Variants in ANKRD45 observed in about 807,000 individuals in gnomAD.
ANKRD45 encodes the protein ankyrin repeat domain-containing protein 45.
Under a neutral mutation model 28.1 loss-of-function variants are expected in ANKRD45, and 21 were observed. The observed-to-expected ratio is 0.75, with a 90% CI of 0.53 to 1.08. ANKRD45 has a LOEUF of 1.08. Among genes scored for constraint, ANKRD45 ranks in the 50% least tolerant of loss-of-function variants. ANKRD45 has a pLI of 0.00. For missense variants in ANKRD45, 261 were observed against 308.7 expected, an observed-to-expected ratio of 0.85 and a Z score of 1.16; for synonymous variants, 86 against 103.9, an observed-to-expected ratio of 0.83 and a Z score of 1.05.
At chr1:173,662,071 T>C (rs1292547635) in intron 1 of ANKRD45, among the ~76,000 whole-genome samples, 2 of 152,176 alleles carry the variant, frequency 1.3e-5, no homozygotes, top group African/African-American at 4.8e-5. Flanking sequence ...GTGGACCCTC[T>C]GTCTCTATTC....
In ANKRD45 at chr1:173,646,894, C is replaced by G. The variant is rs767252753; in HGVS notation, c.448G>C (p.Ala150Pro). ...CACTCAGTCTGAGAATATCTAGCAG[C>G]AACATCTCGAGCCCTTTCTTCCCGG... The part of the protein sequence containing the change: ...NFREERARDV[A>P]ARYSQTECVE... Residue 150 changes from alanine to proline, a missense_variant, in exon 3 of 6, where the codon GCT becomes CCT. Ala to Pro is a conservative substitution (Grantham distance 27). Coordinates refer to ENST00000333279, the MANE Select transcript of ANKRD45 (RefSeq NM_198493.3). 3 of 1,614,146 alleles carry G rather than the reference C, an allele frequency of 1.9e-6. No individual in the cohort carries two copies. In the South Asian group the frequency reaches 3.3e-5, roughly 18 times the overall value.
intron 3 of ANKRD45, among the ~76,000 whole-genome samples, chr1:173,637,995 C>T (rs1179357447): frequency 6.6e-6 from 1 of 152,110 alleles, no homozygotes; most frequent in African/African-American, 2.4e-5. Flanking sequence ...GAGAGGCTTG[C>T]AGGACCACAG....
chr1:173,650,616 C>T (rs1454197440), intron 2 of ANKRD45, among the ~76,000 whole-genome samples: 3 of 152,182 alleles, frequency 2.0e-5, no homozygotes, highest in African/African-American at 7.2e-5. Context: ...GGTATATACC[C>T]AGTAATGGGA....
Position 173,627,066 on chromosome 1 carries a change from T to G in ANKRD45, c.590A>C (p.Lys197Thr). 6.3e-7 allele frequency: 1 copy of G among 1,596,408 alleles called. No individual in the cohort carries two copies. Among genetic ancestry groups the G allele is most frequent in the South Asian group, 1.1e-5 (1 of 90,534 alleles). Residue 197 changes from lysine to threonine, a missense_variant and splice_region_variant, in exon 4 of 6, where the codon AAG becomes ACG. Physicochemically the swap from Lys to Thr is moderately conservative, Grantham distance 78. Transcript: ENST00000333279. ...CAAGCAATAATCACAATACAGTACC[T>G]TGTCTTCCTTAAGGAGTTTCCCTGA... Reference protein sequence around the residue: ...KGSGKLLKEDKNTILSACRAK... With the variant: ...KGSGKLLKEDTNTILSACRAK...
At chr1:173,635,855 T>A (rs1668412957) in intron 3 of ANKRD45, 2 of 1,508,114 alleles carry the variant, frequency 1.3e-6, no homozygotes, top group Non-Finnish European at 1.8e-6. Flanking sequence ...GGTGAATTCG[T>A]GATACAAGTA....
intron 5 of ANKRD45, among the ~76,000 whole-genome samples, chr1:173,613,083 G>C (rs568747294): frequency 1.4e-5 from 2 of 147,894 alleles, no homozygotes; most frequent in Non-Finnish European, 3.0e-5. Flanking sequence ...CCCTCTGCTC[G>C]GCTGCCCAGT....
the ANKRD45 span, among the ~76,000 whole-genome samples, chr1:173,680,600 A>G: frequency 6.6e-6 from 1 of 152,042 alleles, no homozygotes; most frequent in Non-Finnish European, 1.5e-5. Flanking sequence ...ATGTAATGAA[A>G]CTGCACATTC....
chr1:173,622,603 T>C (rs895309061), intron 5 of ANKRD45, among the ~76,000 whole-genome samples: 4 of 152,192 alleles, frequency 2.6e-5, no homozygotes, highest in African/African-American at 7.2e-5. Flanking sequence ...TGGTTAGCCA[T>C]ATGCAGAAAA....
upstream of ANKRD45, among the ~76,000 whole-genome samples, chr1:173,674,361 T>C (rs2102410566): frequency 6.6e-6 from 1 of 152,156 alleles, no homozygotes; most frequent in Non-Finnish European, 1.5e-5. Flanking sequence ...CTTTTTTTTT[T>C]TCCACATTCA....
upstream of ANKRD45, among the ~76,000 whole-genome samples, chr1:173,671,978 T>C (rs556106966): frequency 1.4e-3 from 210 of 152,156 alleles, 2 homozygotes; most frequent in African/African-American, 4.9e-3. Flanking sequence ...CATTACTTCC[T>C]TTCATTCCTG....
chr1:173,613,242 G>A (rs1382011388), intron 5 of ANKRD45, among the ~76,000 whole-genome samples: 6 of 134,402 alleles, frequency 4.5e-5, no homozygotes, highest in Non-Finnish European at 8.1e-5. Context: ...GCCCGGCCGC[G>A]ACCCCGTCTG....
rs1268625997 is a variant in ANKRD45, at chr1:173,641,756, T to C, written c.496+5090A>G. On this transcript the variant is annotated intron_variant, in intron 3 of 5. Transcript: ENST00000333279. Reference sequence around the variant, plus strand: ...GAGTCCTTTGATCCTCAGGTTTACATAGATGCTATTGGGGTCCCATGAGGA... The same window carrying C: ...GAGTCCTTTGATCCTCAGGTTTACACAGATGCTATTGGGGTCCCATGAGGA... Among the ~76,000 whole-genome samples the C allele has an allele frequency of 3.9e-5, 6 of 152,308 alleles. No homozygotes were observed. The East Asian group carries it at 9.6e-4, about 24-fold the overall frequency.
chr1:173,691,893 T>C, the ANKRD45 span, among the ~76,000 whole-genome samples: 78 of 152,332 alleles, frequency 5.1e-4, no homozygotes, highest in Middle Eastern at 3.4e-3. Flanking sequence ...TTGACGCACA[T>C]GGCCCCTGCT....
intron 3 of ANKRD45, among the ~76,000 whole-genome samples, chr1:173,638,024 C>G (rs1162884173): frequency 6.6e-6 from 1 of 152,068 alleles, no homozygotes; most frequent in African/African-American, 2.4e-5. Flanking sequence ...TGACTCCATG[C>G]ACGGGCCAAG....
chr1:173,613,939 G>T (rs917821623), intron 5 of ANKRD45, among the ~76,000 whole-genome samples: 2 of 152,226 alleles, frequency 1.3e-5, no homozygotes, highest in African/African-American at 4.8e-5. Flanking sequence ...AAATTCTTCT[G>T]CCTTGGGATG....
chr1:173,657,800 T>G (rs774714946), intron 2 of ANKRD45: 1 of 151,784 alleles, frequency 6.6e-6, no homozygotes, highest in East Asian at 1.9e-4. Context: ...CATTAATTTA[T>G]TCAATTATTT....
At chr1:173,673,471 A>G (rs1331489253), upstream of ANKRD45, among the ~76,000 whole-genome samples, 2 of 152,152 alleles carry the variant, frequency 1.3e-5, no homozygotes, top group Non-Finnish European at 2.9e-5. Flanking sequence ...TTTCTGATGA[A>G]AAACCTGGAT....
chr1:173,713,626 GT>G, the ANKRD45 span, among the ~76,000 whole-genome samples: 3 of 148,740 alleles, frequency 2.0e-5, no homozygotes, highest in East Asian at 2.0e-4. Flanking sequence ...ATATTTTTAA[GT>G]TTTTTGCATG....
At chr1:173,705,257 A>G in the ANKRD45 span, among the ~76,000 whole-genome samples, 6 of 152,306 alleles carry the variant, frequency 3.9e-5, no homozygotes, top group African/African-American at 9.6e-5. Context: ...ATATTTAGGG[A>G]TGGCTTTTTT....
Sources: gnomAD v4.1 joint callset for allele counts (sites outside exome capture counted in the v4.1 genomes callset) on GRCh38, gnomAD v4.1.1 for gene constraint, MANE v1.5 for transcripts, NCBI Gene and HGNC (gene_info 2026-07-23, HGNC 2026-07-21) for gene names.